Variants in EPHA7 observed in about 807,000 individuals in gnomAD.
The protein encoded by EPHA7 is EPH receptor A7, also known as ephrin type-A receptor 7.
EPHA7 carries 25 observed loss-of-function variants against 112.6 expected under a neutral mutation model. The observed-to-expected ratio is 0.22, with a 90% CI of 0.16 to 0.31. The LOEUF is 0.31. Among genes scored for constraint, EPHA7 ranks in the 10% least tolerant of loss-of-function variants. EPHA7 has a pLI of 1.00. For missense variants in EPHA7, 962 were observed against 1,212.6 expected (o/e 0.79, Z 3.07); for synonymous variants, 437 against 406.5 (o/e 1.07, Z -0.90).
At chr6:93,354,070 A>T (rs1320142820) in intron 5 of EPHA7, among the ~76,000 whole-genome samples, 1 of 152,174 alleles carries the variant, frequency 6.6e-6, no homozygotes, top group Non-Finnish European at 1.5e-5. Context: ...GAGGAGGAAG[A>T]TAACCAACCA....
intron 3 of EPHA7, among the ~76,000 whole-genome samples, chr6:93,408,399 T>C (rs1778818015): frequency 6.6e-6 from 1 of 152,046 alleles, no homozygotes; most frequent in South Asian, 2.1e-4. Context: ...TCACTGAGAA[T>C]ATTTCTCTAC....
chr6:93,257,067 A>T lies in EPHA7; in HGVS notation c.2172+395T>A, dbSNP rs115444532. The stretch of plus-strand genomic sequence containing the variant: ...TGGTGTTCACCTAACAATAAAATAG[A>T]AATGGTTCTACAGAGCAGAGTTGTG... On this transcript the variant is annotated intron_variant, in intron 12 of 16. Coordinates refer to ENST00000369303, the MANE Select transcript of EPHA7 (RefSeq NM_004440.4). Among the ~76,000 whole-genome samples the T allele has an allele frequency of 6.8e-3, 1,029 of 152,258 alleles. 16 individuals carry two copies. The highest frequency in any genetic ancestry group is 0.022 in the African/African-American group (926 of 41,580).
chr6:93,335,651 T>C (rs556908615), intron 5 of EPHA7, among the ~76,000 whole-genome samples: 27 of 151,956 alleles, frequency 1.8e-4, no homozygotes, highest in Non-Finnish European at 3.7e-4. Context: ...ATCCACAGTT[T>C]TCATTTTTTT....
intron 3 of EPHA7, among the ~76,000 whole-genome samples, chr6:93,371,669 T>C (rs1378968886): frequency 6.6e-6 from 1 of 152,192 alleles, no homozygotes; most frequent in Non-Finnish European, 1.5e-5. Flanking sequence ...TAAAAATGCA[T>C]TGAAAGTTCT....
intron 5 of EPHA7, among the ~76,000 whole-genome samples, chr6:93,328,504 T>G (rs1326462706): frequency 2.6e-5 from 4 of 151,452 alleles, no homozygotes; most frequent in Non-Finnish European, 5.9e-5. Flanking sequence ...ATTAGCCAGC[T>G]GGGAAATGTT....
At chr6:93,403,157 C>T (rs1484943886) in intron 3 of EPHA7, among the ~76,000 whole-genome samples, 1 of 151,992 alleles carries the variant, frequency 6.6e-6, no homozygotes, top group Non-Finnish European at 1.5e-5. Context: ...TTGAAGACTA[C>T]TCATACAGAC....
chr6:93,295,177 GAT>G (rs1055888943), intron 5 of EPHA7, among the ~76,000 whole-genome samples: 5 of 151,904 alleles, frequency 3.3e-5, no homozygotes, highest in African/African-American at 1.2e-4. Flanking sequence ...TCAGTAGTGA[GAT>G]AATTTTCAGT....
intron 5 of EPHA7, among the ~76,000 whole-genome samples, chr6:93,331,255 C>T (rs376612003): frequency 9.9e-5 from 15 of 151,444 alleles, no homozygotes; most frequent in Admixed American, 2.6e-4. Flanking sequence ...AAACAAGTCT[C>T]CCTAGTTTTA....
At chr6:93,294,011 TG>T (rs1772523664) in intron 5 of EPHA7, among the ~76,000 whole-genome samples, 1 of 152,204 alleles carries the variant, frequency 6.6e-6, no homozygotes, top group South Asian at 2.1e-4. Context: ...TATTCATCTA[TG>T]CTGACAAGTG....
At chr6:93,330,179 A>T (rs1413669892) in intron 5 of EPHA7, among the ~76,000 whole-genome samples, 1 of 151,314 alleles carries the variant, frequency 6.6e-6, no homozygotes, top group Admixed American at 6.6e-5. Flanking sequence ...ATAATTTTAC[A>T]TGTTTATGAG....
chr6:93,361,277 A>T (rs945083694), intron 3 of EPHA7, among the ~76,000 whole-genome samples: 1 of 152,078 alleles, frequency 6.6e-6, no homozygotes, highest in Admixed American at 6.6e-5. Flanking sequence ...GCCAGTTTTC[A>T]TTTGATCTCA....
intron 3 of EPHA7, among the ~76,000 whole-genome samples, chr6:93,406,987 A>G (rs984416507): frequency 6.6e-6 from 1 of 151,954 alleles, no homozygotes; most frequent in Non-Finnish European, 1.5e-5. Context: ...ACTAAATGAA[A>G]TTATAAATTC....
At chr6:93,352,087 C>A (rs1775722374) in intron 5 of EPHA7, among the ~76,000 whole-genome samples, 1 of 152,036 alleles carries the variant, frequency 6.6e-6, no homozygotes, top group Admixed American at 6.6e-5. Flanking sequence ...TGGCCTAATT[C>A]CACAACATTT....
At chr6:93,245,500 A>C (rs752140433) in intron 15 of EPHA7, 47 bp from the exon 16 acceptor site, 1 of 1,582,966 alleles carries the variant, frequency 6.3e-7, no homozygotes, top group Admixed American at 1.8e-5. Flanking sequence ...TGAAATACCA[A>C]AGAAAGAATG....
chr6:93,381,545 T>C (rs994112185), intron 3 of EPHA7, among the ~76,000 whole-genome samples: 2 of 152,138 alleles, frequency 1.3e-5, no homozygotes, highest in African/African-American at 4.8e-5. Context: ...AATTAACACA[T>C]GTATCTATTA....
chr6:93,382,768 C>G (rs1285250546), intron 3 of EPHA7, among the ~76,000 whole-genome samples: 1 of 152,102 alleles, frequency 6.6e-6, no homozygotes, highest in Non-Finnish European at 1.5e-5. Context: ...TTTAATCTAA[C>G]TTGTCCTTCC....
intron 5 of EPHA7, among the ~76,000 whole-genome samples, chr6:93,338,162 G>A (rs1429781478): frequency 6.6e-6 from 1 of 152,096 alleles, no homozygotes; most frequent in African/African-American, 2.4e-5. Flanking sequence ...CTGCGGTTAA[G>A]GAAAGTCTGG....
In EPHA7 at chr6:93,241,800, A is replaced by G. The variant is rs1423139754; in HGVS notation, c.*1626T>C. 9.1e-6 allele frequency: 2 copies of G among 219,556 alleles called. No homozygotes were observed. The highest frequency in any genetic ancestry group is 4.5e-5 in the African/African-American group (2 of 44,552). The allele number at this position is 219,556 out of a possible 1,614,324, so 13.6% of individuals were successfully genotyped here. ...TGCATTTTCAATGTATTCAGAGCCC[A>G]CTACAGAGAAATGTGTGTACAAAAC... On this transcript the variant is annotated 3_prime_UTR_variant, in exon 17 of 17. Coordinates refer to ENST00000369303, the MANE Select transcript of EPHA7 (RefSeq NM_004440.4).
chr6:93,340,193 T>C (rs1023254828), intron 5 of EPHA7, among the ~76,000 whole-genome samples: 1 of 151,798 alleles, frequency 6.6e-6, no homozygotes, highest in African/African-American at 2.4e-5. Flanking sequence ...TATACATATC[T>C]GAGTGTGTAT....
Sources: gnomAD v4.1 joint callset for allele counts (sites outside exome capture counted in the v4.1 genomes callset) on GRCh38, gnomAD v4.1.1 for gene constraint, MANE v1.5 for transcripts, NCBI Gene and HGNC (gene_info 2026-07-23, HGNC 2026-07-21) for gene names.